XRCC4: variants seen among roughly 807,000 people sequenced by gnomAD.
XRCC4 encodes X-ray repair cross complementing 4.
XRCC4 carries 28 observed loss-of-function variants against 39.1 expected under a neutral mutation model. The observed-to-expected ratio is 0.72, with a 90% CI of 0.53 to 0.98. The LOEUF (loss-of-function observed/expected upper bound fraction) is 0.98. Ranked by LOEUF, XRCC4 falls within the 50% of genes least tolerant of loss-of-function variation. The pLI, the probability that XRCC4 is intolerant of heterozygous loss-of-function variation, is 0.00. For missense variants in XRCC4, 350 were observed against 376.4 expected, an observed-to-expected ratio of 0.93 and a Z score of 0.58; for synonymous variants, 123 against 126.4, an observed-to-expected ratio of 0.97 and a Z score of 0.18.
intron 3 of XRCC4, among the ~76,000 whole-genome samples, chr5:83,143,895 A>G (rs1383279728): frequency 6.6e-6 from 1 of 150,822 alleles, no homozygotes; most frequent in Non-Finnish European, 1.5e-5. Context: ...TGTGCCTAGG[A>G]GTTTTCTTTC....
At chr5:83,331,741 TG>T (rs1323015279) in intron 7 of XRCC4, among the ~76,000 whole-genome samples, 1 of 151,896 alleles carries the variant, frequency 6.6e-6, no homozygotes, top group Non-Finnish European at 1.5e-5. Context: ...GAAATGGAGG[TG>T]ATAGAATGTA....
chr5:83,114,215 GTGAACATCTC>G (rs1746596525), intron 3 of XRCC4, among the ~76,000 whole-genome samples: 1 of 152,182 alleles, frequency 6.6e-6, no homozygotes, highest in South Asian at 2.1e-4. Context: ...AGGGGCTCCT[GTGAACATCTC>G]TGACATGCCT....
chr5:83,296,772 A>C (rs897053845), intron 7 of XRCC4, among the ~76,000 whole-genome samples: 5 of 151,924 alleles, frequency 3.3e-5, no homozygotes, highest in Non-Finnish European at 2.9e-5. Flanking sequence ...AAATATGGGA[A>C]AAGTAAGTAA....
chr5:83,306,941 T>A (rs999749684), intron 7 of XRCC4, among the ~76,000 whole-genome samples: 1 of 152,164 alleles, frequency 6.6e-6, no homozygotes, highest in South Asian at 2.1e-4. Context: ...CTAGAATATT[T>A]CATTGTTCAA....
At chr5:83,187,104 C>T (rs111328974) in intron 3 of XRCC4, among the ~76,000 whole-genome samples, 2,493 of 107,248 alleles carry the variant, frequency 0.023, 782 homozygotes, top group African/African-American at 0.096. Context: ...CCACCACGCC[C>T]GGCTAATTTT....
chr5:83,303,226 A>AG (rs1425312188), intron 7 of XRCC4, among the ~76,000 whole-genome samples: 1 of 151,954 alleles, frequency 6.6e-6, no homozygotes, highest in Non-Finnish European at 1.5e-5. Context: ...AAAAAAAAAA[A>AG]AAAAAAAGAT....
chr5:83,093,965 G>A (rs1745551211), intron 1 of XRCC4, among the ~76,000 whole-genome samples: 2 of 151,966 alleles, frequency 1.3e-5, no homozygotes, highest in Admixed American at 6.6e-5. Context: ...TTTCTGCTAA[G>A]AAGTTTATTG....
At chr5:83,325,393 C>A (rs1184939556) in intron 7 of XRCC4, among the ~76,000 whole-genome samples, 1 of 152,006 alleles carries the variant, frequency 6.6e-6, no homozygotes, top group East Asian at 1.9e-4. Flanking sequence ...GTTTGCTGCA[C>A]AGATCATCCC....
intron 7 of XRCC4, among the ~76,000 whole-genome samples, chr5:83,331,167 G>A (rs1398555359): frequency 6.6e-6 from 1 of 151,978 alleles, no homozygotes; most frequent in East Asian, 1.9e-4. Context: ...TCTCTCTGAA[G>A]CAGAAAAACT....
intron 3 of XRCC4, among the ~76,000 whole-genome samples, chr5:83,167,737 A>C (rs891875667): frequency 1.3e-5 from 2 of 152,198 alleles, no homozygotes; most frequent in African/African-American, 2.4e-5. Context: ...ACAACTCCTG[A>C]TACTCTTGCA....
intron 7 of XRCC4, among the ~76,000 whole-genome samples, chr5:83,336,422 T>C (rs899748970): frequency 2.0e-5 from 3 of 152,148 alleles, no homozygotes; most frequent in Non-Finnish European, 2.9e-5. Context: ...ATTTTTGAAA[T>C]CTGATTCTTT....
At chr5:83,165,413 G>T (rs1749417427) in intron 3 of XRCC4, among the ~76,000 whole-genome samples, 1 of 152,094 alleles carries the variant, frequency 6.6e-6, no homozygotes, top group Non-Finnish European at 1.5e-5. Flanking sequence ...CAGAATAGTG[G>T]TAATATTGCT....
intron 7 of XRCC4, among the ~76,000 whole-genome samples, chr5:83,333,047 C>T (rs1181918737): frequency 6.6e-6 from 1 of 151,932 alleles, no homozygotes; most frequent in Non-Finnish European, 1.5e-5. Flanking sequence ...TACTTGTGGA[C>T]AGCTGTTACT....
chr5:83,262,992 C>G (rs1413075703), intron 7 of XRCC4, among the ~76,000 whole-genome samples: 25 of 126,166 alleles, frequency 2.0e-4, no homozygotes, highest in South Asian at 3.3e-4. Flanking sequence ...ATCCCTCCCC[C>G]CCTCCCCCCA....
Position 83,167,853 on chromosome 5 carries a change from C to T in XRCC4, c.316-27917C>T, listed in dbSNP as rs139663424. Reference sequence around the variant, plus strand: ...ATAAGTTCATAATAAAAAGCTCCAGCCACATGAATTAACATGACTAATATA... The same window carrying T: ...ATAAGTTCATAATAAAAAGCTCCAGTCACATGAATTAACATGACTAATATA... On this transcript the variant is annotated intron_variant, in intron 3 of 7. Coordinates refer to ENST00000396027, the MANE Select transcript of XRCC4 (RefSeq NM_003401.5). Among the ~76,000 whole-genome samples, 492 of 152,190 alleles carry T rather than the reference C, an allele frequency of 3.2e-3. 2 individuals carry two copies. The highest frequency in any genetic ancestry group is 0.011 in the African/African-American group (469 of 41,528).
intron 3 of XRCC4, among the ~76,000 whole-genome samples, chr5:83,163,655 C>T (rs1749325684): frequency 6.6e-6 from 1 of 152,126 alleles, no homozygotes; most frequent in Admixed American, 6.5e-5. Flanking sequence ...AGGGAATTGT[C>T]TGGAATTGTA....
intron 7 of XRCC4, among the ~76,000 whole-genome samples, chr5:83,323,512 T>C (rs549901840): frequency 6.6e-6 from 1 of 152,108 alleles, no homozygotes; most frequent in Non-Finnish European, 1.5e-5. Flanking sequence ...ATTCTAGTTA[T>C]AAAAATAATT....
chr5:83,098,538 T>G (rs1273595795), intron 1 of XRCC4, among the ~76,000 whole-genome samples: 1 of 152,104 alleles, frequency 6.6e-6, no homozygotes, highest in Non-Finnish European at 1.5e-5. Context: ...TTCTTTACAC[T>G]TAATGTTTAG....
intron 6 of XRCC4, among the ~76,000 whole-genome samples, chr5:83,253,604 CTCTT>C (rs952378825): frequency 8.6e-5 from 13 of 152,012 alleles, no homozygotes; most frequent in South Asian, 2.1e-4. Flanking sequence ...GTATTATAGA[CTCTT>C]TCTGTGTGCC....
Sources: allele counts gnomAD v4.1 joint callset (sites outside exome capture counted in the v4.1 genomes callset), GRCh38; gene constraint gnomAD v4.1.1; transcripts MANE v1.5; gene names NCBI Gene and HGNC (gene_info 2026-07-23, HGNC 2026-07-21).